PCSK6: variants seen among roughly 807,000 people sequenced by gnomAD.
The protein encoded by PCSK6 is proprotein convertase subtilisin/kexin type 6.
PCSK6 carries 85 observed loss-of-function variants against 123.3 expected under a neutral mutation model. The ratio of observed to expected loss-of-function variants is 0.69; its 90% confidence interval spans 0.58 to 0.83. The LOEUF (loss-of-function observed/expected upper bound fraction) is 0.83, where lower values mean the gene tolerates loss of function less well. PCSK6 is among the 40% of genes least tolerant of loss of function. PCSK6 has a pLI of 0.00. For synonymous variants in PCSK6, 508 were observed against 516.0 expected, an observed-to-expected ratio of 0.98 and a Z score of 0.21; for missense variants, 1,191 against 1,282.3, an observed-to-expected ratio of 0.93 and a Z score of 1.09.
intron 1 of PCSK6, among the ~76,000 whole-genome samples, chr15:101,463,408 C>A (rs1395038965): frequency 6.6e-6 from 1 of 152,152 alleles, no homozygotes; most frequent in South Asian, 2.1e-4. Flanking sequence ...TCCCCTCTTC[C>A]TTTGGGGCCA....
At chr15:101,489,261 TC>T (rs1487923717) in intron 1 of PCSK6, 112 bp downstream of exon 1, 7 of 666,418 alleles carry the variant, frequency 1.1e-5, no homozygotes, top group Non-Finnish European at 1.1e-5. Context: ...CCCGGAGCCT[TC>T]CCACGCGCGC....
chr15:101,367,220 T>A (rs866086153), intron 12 of PCSK6, among the ~76,000 whole-genome samples: 2 of 152,156 alleles, frequency 1.3e-5, no homozygotes, highest in Non-Finnish European at 2.9e-5. Context: ...CAACATCCAA[T>A]CTCTTCCTGC....
At chr15:101,307,132 C>T in intron 21 of PCSK6, 81 bp downstream of exon 21, 5 of 1,020,904 alleles carry the variant, frequency 4.9e-6, no homozygotes, top group Non-Finnish European at 7.6e-6. Context: ...GCCTATGTGG[C>T]TTTGCTTTTC....
chr15:101,397,911 C>T (rs1234316733), intron 7 of PCSK6, among the ~76,000 whole-genome samples: 1 of 152,238 alleles, frequency 6.6e-6, no homozygotes, highest in Non-Finnish European at 1.5e-5. Context: ...TCAAAGTGGG[C>T]TGGGCTGTGC....
chr15:101,361,164 C>CTCTT (rs1555448997), intron 13 of PCSK6, among the ~76,000 whole-genome samples: 1,316 of 80,698 alleles, frequency 0.016, 22 homozygotes, highest in African/African-American at 0.05. Flanking sequence ...CTTTCTCTCT[C>CTCTT]TTTTTTTTTT....
intron 1 of PCSK6, among the ~76,000 whole-genome samples, chr15:101,458,966 A>G (rs1197953919): frequency 6.6e-6 from 1 of 152,066 alleles, no homozygotes; most frequent in African/African-American, 2.4e-5. Context: ...GGATTTTACT[A>G]CTGACAGCTG....
At chr15:101,392,819 A>G (rs2042273014) in intron 8 of PCSK6, among the ~76,000 whole-genome samples, 1 of 152,174 alleles carries the variant, frequency 6.6e-6, no homozygotes, top group Non-Finnish European at 1.5e-5. Context: ...TCTCAGTATA[A>G]AACCAAGTCT....
chr15:101,308,821 G>A (rs1298003577), intron 20 of PCSK6: 1 of 152,282 alleles, frequency 6.6e-6, no homozygotes, highest in Non-Finnish European at 1.5e-5. Flanking sequence ...TTTCCCCACA[G>A]ACCCTCTGGT....
rs73483185 is a variant in PCSK6, at chr15:101,464,573, G to A, written c.298-20913C>T. Among the ~76,000 whole-genome samples, 334 of 152,270 alleles carry A rather than the reference G, an allele frequency of 2.2e-3. 2 individuals carry two copies. Among genetic ancestry groups the A allele is most frequent in the African/African-American group, 7.4e-3 (306 of 41,544 alleles). Reference sequence around the variant, plus strand: ...AAGCCAGATTGTTGGGCCCTCTCCCGGAGTCTGTGATCGAGCAGGCTGTGG... The same window carrying A: ...AAGCCAGATTGTTGGGCCCTCTCCCAGAGTCTGTGATCGAGCAGGCTGTGG... On this transcript the variant is annotated intron_variant, in intron 1 of 21. Coordinates refer to ENST00000611716, the MANE Select transcript of PCSK6 (RefSeq NM_002570.5).
chr15:101,459,788 C>A (rs1172828498), intron 1 of PCSK6, among the ~76,000 whole-genome samples: 1 of 151,724 alleles, frequency 6.6e-6, no homozygotes, highest in African/African-American at 2.4e-5. Flanking sequence ...CATGCGCCTG[C>A]CACCGGGTCC....
chr15:101,489,697 G>C lies in PCSK6; in HGVS notation c.-27C>G, dbSNP rs1231508065. On this transcript the variant is annotated 5_prime_UTR_variant, in exon 1 of 22. Coordinates refer to ENST00000611716, the MANE Select transcript of PCSK6 (RefSeq NM_002570.5). ...GCGGCGACAGGCTCGCGCGGCGCCCGAGCTGCGAGTGCGCCGGGGGGTGGA... is the reference window on the plus strand; with the variant it reads ...GCGGCGACAGGCTCGCGCGGCGCCCCAGCTGCGAGTGCGCCGGGGGGTGGA... 5 of 954,036 alleles carry C rather than the reference G, an allele frequency of 5.2e-6. No homozygotes were observed. Among genetic ancestry groups the C allele is most frequent in the South Asian group, 9.4e-5 (2 of 21,328 alleles). The allele number at this position is 954,036 out of a possible 1,614,324, so 59.1% of individuals were successfully genotyped here.
intron 9 of PCSK6, among the ~76,000 whole-genome samples, chr15:101,387,583 G>A (rs940159111): frequency 3.3e-5 from 5 of 151,660 alleles, no homozygotes; most frequent in African/African-American, 4.8e-5. Context: ...TGTTGAAAAT[G>A]TTTTTTGATG....
chr15:101,435,123 A>G (rs2056560624), intron 2 of PCSK6, among the ~76,000 whole-genome samples: 1 of 152,054 alleles, frequency 6.6e-6, no homozygotes, highest in Admixed American at 6.5e-5. Context: ...TCTGCCTTCA[A>G]TGCCCCCTCG....
At chr15:101,425,680 C>T (rs954212045) in intron 6 of PCSK6, among the ~76,000 whole-genome samples, 17 of 152,148 alleles carry the variant, frequency 1.1e-4, no homozygotes, top group East Asian at 5.8e-4. Context: ...CAGTGCATTG[C>T]TATTATTCTT....
At chr15:101,342,588 T>C (rs2141390977) in intron 13 of PCSK6, among the ~76,000 whole-genome samples, 1 of 152,380 alleles carries the variant, frequency 6.6e-6, no homozygotes, top group Middle Eastern at 3.4e-3. Context: ...ATATGTGCTC[T>C]TGGGATTTGG....
chr15:101,377,071 T>C (rs1308923540), intron 11 of PCSK6, among the ~76,000 whole-genome samples: 1 of 152,266 alleles, frequency 6.6e-6, no homozygotes, highest in Non-Finnish European at 1.5e-5. Context: ...CATCAGGCTG[T>C]GTGCTTGAGC....
intron 6 of PCSK6, among the ~76,000 whole-genome samples, chr15:101,412,691 TTATATA>T (rs149902723): frequency 2.2e-4 from 28 of 124,744 alleles, no homozygotes; most frequent in African/African-American, 8.3e-4. Context: ...AACTGGAAAA[TTATATA>T]TATATATATA....
chr15:101,352,933 T>G (rs1011274785), intron 13 of PCSK6, among the ~76,000 whole-genome samples: 28 of 152,166 alleles, frequency 1.8e-4, no homozygotes, highest in African/African-American at 6.3e-4. Context: ...CCTATTGCAT[T>G]TCAAATGTTC....
At chr15:101,360,699 C>T (rs2041195299) in intron 13 of PCSK6, among the ~76,000 whole-genome samples, 1 of 138,652 alleles carries the variant, frequency 7.2e-6, no homozygotes, top group Admixed American at 7.2e-5. Context: ...CCCTGGAACA[C>T]ACCAGGCACA....
Sources: gnomAD v4.1 joint callset for allele counts (sites outside exome capture counted in the v4.1 genomes callset) on GRCh38, gnomAD v4.1.1 for gene constraint, MANE v1.5 for transcripts, NCBI Gene and HGNC (gene_info 2026-07-23, HGNC 2026-07-21) for gene names.